Variants in SPAG16 observed in about 807,000 individuals in gnomAD.
SPAG16 encodes the protein sperm-associated antigen 16 protein.
In SPAG16, 86 loss-of-function variants were observed where a neutral mutation model predicts 80.4. The ratio of observed to expected loss-of-function variants is 1.07; its 90% CI spans 0.90 to 1.28. The LOEUF is 1.28. SPAG16 is among the 50% of genes most tolerant of loss of function. SPAG16 has a pLI of 0.00. For missense variants in SPAG16, 870 were observed against 765.3 expected, an observed-to-expected ratio of 1.14 and a Z score of -1.61; for synonymous variants, 294 against 265.9, an observed-to-expected ratio of 1.11 and a Z score of -1.03.
At chr2:213,760,042 G>GA (rs576176598) in intron 10 of SPAG16, among the ~76,000 whole-genome samples, 1,972 of 144,442 alleles carry the variant, frequency 0.014, 20 homozygotes, top group Non-Finnish European at 0.014. Context: ...CTCAAAAAAA[G>GA]AAAAAAAAAA....
chr2:214,211,693 T>C (rs1230372493), intron 15 of SPAG16, among the ~76,000 whole-genome samples: 1 of 152,186 alleles, frequency 6.6e-6, no homozygotes, highest in Admixed American at 6.5e-5. Context: ...ATCTCCCTAG[T>C]GGTCCAAGGA....
intron 10 of SPAG16, among the ~76,000 whole-genome samples, chr2:213,563,753 G>A (rs190149904): frequency 1.6e-4 from 24 of 152,182 alleles, no homozygotes; most frequent in East Asian, 1.4e-3. Flanking sequence ...TGTTTTTCTC[G>A]TTTCTCTTGT....
intron 9 of SPAG16, among the ~76,000 whole-genome samples, chr2:213,469,751 G>C (rs930194688): frequency 8.6e-5 from 13 of 151,844 alleles, no homozygotes; most frequent in Non-Finnish European, 1.5e-4. Context: ...CACGTATACT[G>C]TTCCTTACCT....
rs566801298 is a variant in SPAG16, at chr2:214,027,001, T to G, written c.1527+12924T>G. Among the ~76,000 whole-genome samples the G allele has an allele frequency of 2.0e-5, 3 of 151,762 alleles. No individual in the cohort carries two copies. In the East Asian group the frequency reaches 5.8e-4, roughly 29 times the overall value. ...TCTTTTGACTTTGTATATCTAAAGT[T>G]TCATCTGTTTCAAAGAAACTTTATT... On this transcript the variant is annotated intron_variant, in intron 13 of 15. Transcript: ENST00000331683.
chr2:213,388,683 A>G (rs2067578993), intron 9 of SPAG16, among the ~76,000 whole-genome samples: 1 of 152,222 alleles, frequency 6.6e-6, no homozygotes, highest in South Asian at 2.1e-4. Flanking sequence ...TTGTATTTCT[A>G]TACACTAACA....
chr2:214,310,909 G>T (rs1256097177), intron 15 of SPAG16, among the ~76,000 whole-genome samples: 3 of 152,086 alleles, frequency 2.0e-5, no homozygotes, highest in Non-Finnish European at 2.9e-5. Flanking sequence ...GCCACTCTGT[G>T]TAGAAAGGCA....
intron 10 of SPAG16, among the ~76,000 whole-genome samples, chr2:213,590,960 T>C (rs182997241): frequency 6.6e-6 from 1 of 152,196 alleles, no homozygotes; most frequent in African/African-American, 2.4e-5. Context: ...CATAGAATAT[T>C]ACACAGCCAT....
At position 214,014,215 on chromosome 2, in the gene SPAG16, T is replaced by C. The variant is rs1045315641; in HGVS notation, c.1527+138T>C. ...AAAAGAACAGTAAAAAGTTCATAAT[T>C]ACAAGATCCTTTCTATGCACTTGTA... On this transcript the variant is annotated intron_variant, in intron 13 of 15. Transcript: ENST00000331683. The C allele has an allele frequency of 1.9e-5, 20 of 1,072,518 alleles. No individual in the cohort carries two copies. The South Asian group carries it at 2.4e-4, about 13-fold the overall frequency. The allele number at this position is 1,072,518 out of a possible 1,614,324, so 66.4% of individuals were successfully genotyped here.
At chr2:213,597,023 T>G (rs2060906811) in intron 10 of SPAG16, among the ~76,000 whole-genome samples, 1 of 152,130 alleles carries the variant, frequency 6.6e-6, no homozygotes, top group Non-Finnish European at 1.5e-5. Context: ...AAAAAGACAT[T>G]ACAAGACACC....
chr2:213,386,729 T>C (rs1342994229), intron 9 of SPAG16, among the ~76,000 whole-genome samples: 1 of 152,234 alleles, frequency 6.6e-6, no homozygotes, highest in African/African-American at 2.4e-5. Context: ...AACTATTTTC[T>C]CTTGAATTAG....
chr2:214,317,452 TAG>T (rs1232197910), intron 15 of SPAG16, among the ~76,000 whole-genome samples: 1 of 152,198 alleles, frequency 6.6e-6, no homozygotes, highest in Non-Finnish European at 1.5e-5. Flanking sequence ...TCTCACGTTT[TAG>T]AGAGATGCCT....
intron 15 of SPAG16, among the ~76,000 whole-genome samples, chr2:214,353,612 G>C (rs1461588561): frequency 6.6e-6 from 1 of 152,050 alleles, no homozygotes; most frequent in African/African-American, 2.4e-5. Context: ...GTCAGTCAAG[G>C]ATCAAATGCT....
chr2:214,091,291 A>G (rs536589011), intron 13 of SPAG16, among the ~76,000 whole-genome samples: 1 of 152,252 alleles, frequency 6.6e-6, no homozygotes, highest in South Asian at 2.1e-4. Flanking sequence ...AATCTGTAAT[A>G]AAACTACTAA....
chr2:214,273,295 A>T (rs1692179397), intron 15 of SPAG16, among the ~76,000 whole-genome samples: 1 of 152,164 alleles, frequency 6.6e-6, no homozygotes. Flanking sequence ...TCTTAGTTTA[A>T]TCAGATCCCA....
At chr2:213,503,064 C>A (rs1277221808) in intron 10 of SPAG16, among the ~76,000 whole-genome samples, 1 of 152,186 alleles carries the variant, frequency 6.6e-6, no homozygotes, top group Non-Finnish European at 1.5e-5. Context: ...TGATTCCCAT[C>A]TATATATCAT....
chr2:213,345,744 C>CT (rs1401585614), intron 6 of SPAG16, among the ~76,000 whole-genome samples: 1 of 150,762 alleles, frequency 6.6e-6, no homozygotes, highest in East Asian at 2.0e-4. Flanking sequence ...GTCTATATCT[C>CT]TGTTTTGGTA....
At chr2:214,264,209 TC>T (rs903587982) in intron 15 of SPAG16, among the ~76,000 whole-genome samples, 1 of 152,144 alleles carries the variant, frequency 6.6e-6, no homozygotes, top group Admixed American at 6.6e-5. Context: ...AGAAATCAGA[TC>T]AAATCTCCTA....
chr2:214,188,836 A>T (rs772038146), intron 15 of SPAG16, among the ~76,000 whole-genome samples: 1 of 152,150 alleles, frequency 6.6e-6, no homozygotes, highest in Non-Finnish European at 1.5e-5. Flanking sequence ...CTTTACTCAT[A>T]GCAGTCATCA....
chr2:213,800,420 G>A (rs1180764437), intron 10 of SPAG16, among the ~76,000 whole-genome samples: 1 of 148,822 alleles, frequency 6.7e-6, no homozygotes, highest in Admixed American at 6.8e-5. Flanking sequence ...AGGCTGGAGT[G>A]TGGGGGCACA....
Sources: allele counts gnomAD v4.1 joint callset (sites outside exome capture counted in the v4.1 genomes callset), GRCh38; gene constraint gnomAD v4.1.1; transcripts MANE v1.5; gene names NCBI Gene and HGNC (gene_info 2026-07-23, HGNC 2026-07-21).